The following SPTBN1 variants were observed in gnomAD, a reference collection of about 807,000 sequenced individuals.
SPTBN1 encodes the protein spectrin beta chain, non-erythrocytic 1.
Under a neutral mutation model 266.4 loss-of-function variants are expected in SPTBN1, and 32 were observed. The observed-to-expected ratio is 0.12, with a 90% confidence interval of 0.09 to 0.16. SPTBN1 has a LOEUF of 0.16. SPTBN1 is among the 10% of genes least tolerant of loss of function. SPTBN1 has a pLI of 1.00. For missense variants in SPTBN1, 2,296 were observed against 3,067.1 expected (o/e 0.75, Z 5.94); for synonymous variants, 1,336 against 1,162.2 (o/e 1.15, Z -3.04).
intron 2 of SPTBN1, among the ~76,000 whole-genome samples, chr2:54,547,994 T>C (rs951528527): frequency 6.6e-6 from 1 of 151,454 alleles, no homozygotes; most frequent in Non-Finnish European, 1.5e-5. Flanking sequence ...ATACAAAAAA[T>C]TAGCCAGGCG....
Position 54,646,133 on chromosome 2 carries a change from A to G in SPTBN1, c.4585-61A>G. 1 of 1,596,578 alleles carries G rather than the reference A, an allele frequency of 6.3e-7. No individual in the cohort carries two copies. The highest frequency in any genetic ancestry group is 8.5e-7 in the Non-Finnish European group (1 of 1,169,962). On this transcript the variant is annotated intron_variant, in intron 22 of 35. Transcript: ENST00000356805. The surrounding 1 kb of genome is among the most constrained non-coding windows in gnomAD (Gnocchi z 4.4). ...ATTTCTTTCTGGCCCTAACAGCTTGACATAAGCAGCAGACGGCTGCCATTT... is the reference window on the plus strand; with the variant it reads ...ATTTCTTTCTGGCCCTAACAGCTTGGCATAAGCAGCAGACGGCTGCCATTT...
chr2:54,473,498 G>GT (rs1277310212), intron 1 of SPTBN1, among the ~76,000 whole-genome samples: 9 of 138,264 alleles, frequency 6.5e-5, no homozygotes, highest in African/African-American at 1.0e-4. Flanking sequence ...GACATCTCCA[G>GT]TTTTGTTTTT....
At chr2:54,486,929 A>T (rs4671942) in intron 1 of SPTBN1, among the ~76,000 whole-genome samples, 6 of 151,798 alleles carry the variant, frequency 4.0e-5, no homozygotes, top group Non-Finnish European at 8.8e-5. Context: ...ACAAGCAAAC[A>T]TAAGTGTTGG....
chr2:54,598,597 G>A (rs2103680965), intron 2 of SPTBN1, among the ~76,000 whole-genome samples: 1 of 152,298 alleles, frequency 6.6e-6, no homozygotes, highest in African/African-American at 2.4e-5. Flanking sequence ...GCTGTCTCAT[G>A]AGATTTCCTA....
chr2:54,639,943 G>A (rs1336738051), intron 18 of SPTBN1, among the ~76,000 whole-genome samples: 2 of 152,122 alleles, frequency 1.3e-5, no homozygotes, highest in East Asian at 3.9e-4. Flanking sequence ...CCCTTGTCCT[G>A]CCTGTCTCTC....
chr2:54,593,994 G>A (rs1163604158), intron 2 of SPTBN1, among the ~76,000 whole-genome samples: 5 of 151,630 alleles, frequency 3.3e-5, no homozygotes, highest in African/African-American at 9.7e-5. Flanking sequence ...CACCATGCCC[G>A]GCTAATTTTT....
chr2:54,481,436 G>GT (rs1346815281), intron 1 of SPTBN1, among the ~76,000 whole-genome samples: 3 of 76,644 alleles, frequency 3.9e-5, no homozygotes, highest in African/African-American at 8.0e-5. Context: ...GTGTGTGTGT[G>GT]TGTGTTTTGT....
chr2:54,511,755 TA>T (rs1669867955), intron 1 of SPTBN1, among the ~76,000 whole-genome samples: 1 of 151,718 alleles, frequency 6.6e-6, no homozygotes, highest in Non-Finnish European at 1.5e-5. Flanking sequence ...CAATCCCAGC[TA>T]GGGATTGCAG....
intron 4 of SPTBN1, 115 bp downstream of exon 4, chr2:54,612,449 T>G: frequency 8.2e-7 from 1 of 1,222,428 alleles, no homozygotes; most frequent in Non-Finnish European, 1.1e-6. Flanking sequence ...GTTGAAAGCA[T>G]GTCTCAGAGT....
At chr2:54,599,051 T>A (rs572912182) in intron 2 of SPTBN1, 41 bp from the exon 3 acceptor site, 1 of 1,606,774 alleles carries the variant, frequency 6.2e-7, no homozygotes, top group East Asian at 2.2e-5. Context: ...CTCCTGCCAG[T>A]TCTGTGGTCA....
intron 19 of SPTBN1, among the ~76,000 whole-genome samples, chr2:54,644,088 A>T (rs909505667): frequency 2.0e-5 from 3 of 152,188 alleles, no homozygotes; most frequent in African/African-American, 4.8e-5. Flanking sequence ...CCGTTGCCCC[A>T]GTTGAGACTA....
intron 2 of SPTBN1, among the ~76,000 whole-genome samples, chr2:54,585,647 C>T (rs1294659249): frequency 6.6e-6 from 1 of 152,190 alleles, no homozygotes; most frequent in Admixed American, 6.5e-5. Flanking sequence ...TGAATGGTAG[C>T]TGAGTATCAA....
chr2:54,492,338 G>GGTTTTTTTTTTTTTT (rs1558775035), intron 1 of SPTBN1, among the ~76,000 whole-genome samples: 2 of 118,110 alleles, frequency 1.7e-5, no homozygotes, highest in Non-Finnish European at 1.7e-5. Flanking sequence ...TTTGTCTGCA[G>GGTTTTTTTTTTTTTT]TTGTTTTTTT....
At chr2:54,535,253 A>G (rs183701920) in intron 2 of SPTBN1, 1 of 152,236 alleles carries the variant, frequency 6.6e-6, no homozygotes, top group Non-Finnish European at 1.5e-5. Flanking sequence ...TTGCAGTACA[A>G]TTTACATACC....
Position 54,649,590 on chromosome 2 carries a change from A to G in SPTBN1, c.5203-25A>G, listed in dbSNP as rs1359550429. 3.8e-6 allele frequency: 6 copies of G among 1,599,454 alleles called. No individual in the cohort carries two copies. The East Asian group carries it at 6.7e-5, about 18-fold the overall frequency. Reference sequence around the variant, plus strand: ...TACAGAGTTCACAGTGGGCTCTCTGATTTCCTTACCCATCCCCGTTTCAGA... The same window carrying G: ...TACAGAGTTCACAGTGGGCTCTCTGGTTTCCTTACCCATCCCCGTTTCAGA... On this transcript the variant is annotated intron_variant, in intron 25 of 35. Transcript: ENST00000356805. The surrounding 1 kb of genome is among the most constrained non-coding windows in gnomAD (Gnocchi z 6.7).
At chr2:54,612,974 C>G (rs1425402049) in intron 4 of SPTBN1, among the ~76,000 whole-genome samples, 1 of 152,116 alleles carries the variant, frequency 6.6e-6, no homozygotes, top group African/African-American at 2.4e-5. Context: ...GTCATTTTGT[C>G]CACTTCTTTC....
intron 2 of SPTBN1, among the ~76,000 whole-genome samples, chr2:54,562,218 A>G (rs1410355084): frequency 6.6e-6 from 1 of 152,196 alleles, no homozygotes; most frequent in African/African-American, 2.4e-5. Flanking sequence ...CATGATAACC[A>G]TCTCTCCACT....
Position 54,646,488 on chromosome 2 carries a change from G to A in SPTBN1, c.4866+13G>A, listed in dbSNP as rs764763052. 4.0e-5 allele frequency: 59 copies of A among 1,485,612 alleles called. No homozygotes were observed. The highest frequency in any genetic ancestry group is 4.8e-5 in the Non-Finnish European group (54 of 1,118,408). 92.0% of individuals were successfully genotyped at this position (1,485,612 alleles called of 1,614,324 possible). A position where few individuals can be genotyped will look rare whatever the true frequency, so the allele number is the denominator to read the frequency against. ...GGAGAAGGCCAAGGTGAGAGGAGGC[G>A]GGAAGCATCCCTGTCCCAGGAGAGC... On this transcript the variant is annotated intron_variant, in intron 23 of 35. Coordinates refer to ENST00000356805, the MANE Select transcript of SPTBN1 (RefSeq NM_003128.3). The surrounding 1 kb of genome is among the most constrained non-coding windows in gnomAD (Gnocchi z 4.4).
chr2:54,594,173 G>A (rs1675887295), intron 2 of SPTBN1, among the ~76,000 whole-genome samples: 1 of 152,094 alleles, frequency 6.6e-6, no homozygotes, highest in Non-Finnish European at 1.5e-5. Context: ...ATTGCATAGT[G>A]GATGAGAACC....
Sources: gnomAD v4.1 joint callset for allele counts (sites outside exome capture counted in the v4.1 genomes callset) on GRCh38, gnomAD v4.1.1 for gene constraint, Gnocchi (gnomAD v3.1) non-coding constraint, MANE v1.5 for transcripts, NCBI Gene and HGNC (gene_info 2026-07-23, HGNC 2026-07-21) for gene names.